The following STX8 variants were observed in gnomAD, a reference collection of about 807,000 sequenced individuals.
STX8 encodes the protein syntaxin 8.
A neutral mutation model predicts 37.5 loss-of-function variants in STX8; 23 were observed. That is an observed-to-expected ratio of 0.61 (90% confidence interval 0.44 to 0.87). STX8 has a LOEUF of 0.87. STX8 is among the 40% of genes least tolerant of loss of function. The pLI is 0.00. For missense variants in STX8, 313 were observed against 284.7 expected (o/e 1.10, Z -0.71); for synonymous variants, 115 against 99.1 (o/e 1.16, Z -0.95).
intron 7 of STX8, among the ~76,000 whole-genome samples, chr17:9,282,633 A>G (rs80275951): frequency 0.01 from 1,564 of 152,334 alleles, 29 homozygotes; most frequent in African/African-American, 0.035. Context: ...TTCTTCGCTT[A>G]AAACTGCTGG....
chr17:9,444,965 G>A (rs1388108208), intron 6 of STX8, among the ~76,000 whole-genome samples: 2 of 152,220 alleles, frequency 1.3e-5, no homozygotes, highest in Admixed American at 1.3e-4. Context: ...TGGGAAGCAA[G>A]TCATTCCACC....
At chr17:9,566,176 G>C (rs1004512706) in intron 2 of STX8, among the ~76,000 whole-genome samples, 2 of 152,026 alleles carry the variant, frequency 1.3e-5, no homozygotes, top group African/African-American at 4.8e-5. Flanking sequence ...AGGAAGACAG[G>C]CATGCTGCCA....
At chr17:9,363,869 G>A (rs1911142419) in intron 7 of STX8, among the ~76,000 whole-genome samples, 1 of 152,080 alleles carries the variant, frequency 6.6e-6, no homozygotes, top group Non-Finnish European at 1.5e-5. Context: ...TGATAGCTCT[G>A]AGCCTGTCAG....
At position 9,507,053 on chromosome 17, in the gene STX8, G is replaced by T. The variant is rs1904864826; in HGVS notation, c.324-1891C>A. ...CAGCCACAGAAACAGTCCCACCCAG[G>T]GCAAACCCACTCTTGAGCCAACCAA... On this transcript the variant is annotated intron_variant, in intron 4 of 7. Transcript: ENST00000306357. The surrounding 1 kb of genome is among the most constrained non-coding windows in gnomAD (Gnocchi z 4.0). Among the ~76,000 whole-genome samples the T allele has an allele frequency of 6.6e-6, 1 of 151,870 alleles. No individual in the cohort carries two copies. The highest frequency in any genetic ancestry group is 1.5e-5 in the Non-Finnish European group (1 of 67,974).
chr17:9,431,929 CT>C (rs1914000006), intron 6 of STX8, among the ~76,000 whole-genome samples: 1 of 152,128 alleles, frequency 6.6e-6, no homozygotes, highest in African/African-American at 2.4e-5. Context: ...AATGCTGTGA[CT>C]ATCTCAGCAT....
chr17:9,348,142 C>T (rs1334727799), intron 7 of STX8, among the ~76,000 whole-genome samples: 1 of 151,946 alleles, frequency 6.6e-6, no homozygotes, highest in Non-Finnish European at 1.5e-5. Context: ...AATATGGGAA[C>T]CTGCTGGGCG....
intron 5 of STX8, among the ~76,000 whole-genome samples, chr17:9,501,711 C>T (rs549364723): frequency 1.2e-3 from 188 of 151,482 alleles, no homozygotes; most frequent in Middle Eastern, 0.01. Flanking sequence ...CGGTGGCTCA[C>T]GCCTGTAATC....
intron 7 of STX8, among the ~76,000 whole-genome samples, chr17:9,299,047 T>G (rs1908668814): frequency 6.6e-6 from 1 of 152,184 alleles, no homozygotes; most frequent in Non-Finnish European, 1.5e-5. Context: ...CTCTCTCACT[T>G]TCCTTGATTC....
At chr17:9,366,930 C>G (rs1911247771) in intron 7 of STX8, among the ~76,000 whole-genome samples, 1 of 152,112 alleles carries the variant, frequency 6.6e-6, no homozygotes, top group African/African-American at 2.4e-5. Flanking sequence ...GCTATTTCTG[C>G]CAGAGAGAAC....
chr17:9,290,013 A>G (rs1276818256), intron 7 of STX8, among the ~76,000 whole-genome samples: 1 of 152,216 alleles, frequency 6.6e-6, no homozygotes, highest in Non-Finnish European at 1.5e-5. Flanking sequence ...TGGGCGGACA[A>G]TGAAAGAACT....
intron 7 of STX8, among the ~76,000 whole-genome samples, chr17:9,261,272 G>A (rs1907022555): frequency 6.6e-6 from 1 of 152,248 alleles, no homozygotes; most frequent in Non-Finnish European, 1.5e-5. Context: ...GCCAGGGCGA[G>A]TCAGGTCAGA....
At chr17:9,402,804 T>G (rs569792002) in intron 6 of STX8, among the ~76,000 whole-genome samples, 1 of 152,304 alleles carries the variant, frequency 6.6e-6, no homozygotes, top group East Asian at 1.9e-4. Context: ...AGAGGGAAAA[T>G]GCAAGAGGAA....
chr17:9,429,092 C>T, intron 6 of STX8, among the ~76,000 whole-genome samples: 1 of 151,796 alleles, frequency 6.6e-6, no homozygotes, highest in Non-Finnish European at 1.5e-5. Context: ...CCAGAACATC[C>T]CAATCCCTTA....
intron 6 of STX8, among the ~76,000 whole-genome samples, chr17:9,490,893 C>T (rs1435889703): frequency 6.6e-6 from 1 of 152,172 alleles, no homozygotes; most frequent in Non-Finnish European, 1.5e-5. Context: ...TGAGTTTTGC[C>T]TCTCACACGA....
chr17:9,397,059 G>A (rs1182085060), intron 6 of STX8, among the ~76,000 whole-genome samples: 1 of 152,230 alleles, frequency 6.6e-6, no homozygotes, highest in African/African-American at 2.4e-5. Flanking sequence ...AGGGGTACAG[G>A]TTAACAATTC....
chr17:9,432,316 A>G (rs1914013200), intron 6 of STX8, among the ~76,000 whole-genome samples: 1 of 152,210 alleles, frequency 6.6e-6, no homozygotes, highest in African/African-American at 2.4e-5. Flanking sequence ...TTGCAAGCAG[A>G]TGTGCTGGCT....
intron 7 of STX8, among the ~76,000 whole-genome samples, chr17:9,332,261 T>A (rs1028427124): frequency 2.0e-5 from 3 of 152,170 alleles, no homozygotes; most frequent in Non-Finnish European, 4.4e-5. Flanking sequence ...ATGGGCAAAT[T>A]GGAACGAGGG....
intron 7 of STX8, among the ~76,000 whole-genome samples, chr17:9,252,162 T>A (rs75111163): frequency 0.17 from 25,374 of 145,388 alleles, 2,110 homozygotes; most frequent in African/African-American, 0.21. Flanking sequence ...TTTAAAAAAT[T>A]GGCCGGGCGC....
chr17:9,335,586 C>T (rs1910108705), intron 7 of STX8, among the ~76,000 whole-genome samples: 1 of 148,552 alleles, frequency 6.7e-6, no homozygotes, highest in Admixed American at 6.9e-5. Context: ...TACACCCAAA[C>T]TGTTAGTAGT....
Sources: allele counts gnomAD v4.1 joint callset (sites outside exome capture counted in the v4.1 genomes callset), GRCh38; gene constraint gnomAD v4.1.1; non-coding constraint Gnocchi (gnomAD v3.1); transcripts MANE v1.5; gene names NCBI Gene and HGNC (gene_info 2026-07-23, HGNC 2026-07-21).